The following MAMDC2 variants were observed in gnomAD, a reference collection of about 807,000 sequenced individuals.
MAMDC2 encodes MAM domain containing 2, also known as MAM domain-containing protein 2.
A neutral mutation model predicts 89.8 loss-of-function variants in MAMDC2; 57 were observed. The ratio of observed to expected loss-of-function variants is 0.63; its 90% CI spans 0.51 to 0.79. The LOEUF (loss-of-function observed/expected upper bound fraction) is 0.79. Ranked by LOEUF, MAMDC2 falls within the 30% of genes least tolerant of loss-of-function variation. The probability of loss-of-function intolerance (pLI) is 0.00; values close to 1 mark genes in which losing one functional copy is unlikely to be tolerated. For missense variants in MAMDC2, 800 were observed against 820.6 expected (o/e 0.97, Z 0.31); for synonymous variants, 313 against 293.4 (o/e 1.07, Z -0.68).
chr9:70,198,885 C>T (rs561622293), intron 11 of MAMDC2, among the ~76,000 whole-genome samples: 2 of 152,102 alleles, frequency 1.3e-5, no homozygotes, highest in Non-Finnish European at 2.9e-5. Context: ...AATATCACAA[C>T]TCTGTTAGTT....
intron 9 of MAMDC2, among the ~76,000 whole-genome samples, chr9:70,151,405 C>T (rs2031574651): frequency 6.6e-6 from 1 of 152,226 alleles, no homozygotes; most frequent in Non-Finnish European, 1.5e-5. Context: ...CCTTGTCGGT[C>T]TTGTTCATCT....
chr9:70,167,619 C>T (rs939888795), intron 9 of MAMDC2, among the ~76,000 whole-genome samples: 1 of 152,326 alleles, frequency 6.6e-6, no homozygotes, highest in East Asian at 1.9e-4. Flanking sequence ...GCTTTGTAAT[C>T]TGCAAGTACA....
rs773508287 is a variant in MAMDC2, at chr9:70,225,068, T to C, written c.1912-682T>C. 5.3e-5 allele frequency among the ~76,000 whole-genome samples: 8 copies of C among 152,342 alleles called. No homozygotes were observed. In the South Asian group the frequency reaches 1.2e-3, roughly 24 times the overall value. ...TCATTACCCATGGGCCTCCCTGGACTATTCAGTAATTTGTTAACCATTGTT... is the reference window on the plus strand; with the variant it reads ...TCATTACCCATGGGCCTCCCTGGACCATTCAGTAATTTGTTAACCATTGTT... On this transcript the variant is annotated intron_variant, in intron 12 of 13. Transcript: ENST00000377182.
At chr9:70,104,554 A>G (rs1828282733) in intron 2 of MAMDC2, among the ~76,000 whole-genome samples, 1 of 152,252 alleles carries the variant, frequency 6.6e-6, no homozygotes, top group South Asian at 2.1e-4. Flanking sequence ...ATGTCCATCA[A>G]CTAATGAATG....
At position 70,108,230 on chromosome 9, in the gene MAMDC2, T is replaced by C. The variant is rs761426395; in HGVS notation, c.168T>C (p.Asp56=). The part of the protein sequence containing the change: ...LNEEGHYIYV[D]TSFGKQGEKA... ...TTCCAGGCCATTACATTTATGTGGA[T>C]ACCTCCTTTGGCAAGCAGGGGGAGA... The change falls in exon 3 of 14, where the codon GAT becomes GAC. Residue 56 remains aspartate (D), a synonymous_variant. Coordinates refer to ENST00000377182, the MANE Select transcript of MAMDC2 (RefSeq NM_153267.5). The C allele has an allele frequency of 6.2e-7, 1 of 1,605,636 alleles. No individual in the cohort carries two copies. The highest frequency in any genetic ancestry group is 8.5e-7 in the Non-Finnish European group (1 of 1,176,456).
At chr9:70,163,573 A>G (rs1389705711) in intron 9 of MAMDC2, among the ~76,000 whole-genome samples, 1 of 152,096 alleles carries the variant, frequency 6.6e-6, no homozygotes, top group Non-Finnish European at 1.5e-5. Flanking sequence ...TGTGTAGAGG[A>G]AGAGAAAACT....
At chr9:70,169,093 A>G (rs879842648) in intron 10 of MAMDC2, among the ~76,000 whole-genome samples, 2 of 152,212 alleles carry the variant, frequency 1.3e-5, no homozygotes, top group Non-Finnish European at 2.9e-5. Flanking sequence ...TTAAAAACAA[A>G]TATCTTCTAC....
At chr9:70,056,644 G>C (rs1044824643) in intron 2 of MAMDC2, among the ~76,000 whole-genome samples, 3 of 152,116 alleles carry the variant, frequency 2.0e-5, no homozygotes, top group Admixed American at 1.3e-4. Context: ...TTGTGGACTA[G>C]GACTTATAGT....
intron 11 of MAMDC2, chr9:70,217,196 C>A (rs553245465): frequency 1.4e-6 from 1 of 733,422 alleles, no homozygotes; most frequent in Non-Finnish European, 2.5e-6. Flanking sequence ...GCCGTCGCCA[C>A]GAAGGTCGAG....
At chr9:70,045,004 C>T (rs1044546200) in intron 2 of MAMDC2, among the ~76,000 whole-genome samples, 1 of 151,040 alleles carries the variant, frequency 6.6e-6, no homozygotes, top group African/African-American at 2.5e-5. Flanking sequence ...CGCTGTGGGC[C>T]TCTGCAGGCA....
chr9:70,125,467 C>T (rs562541593), intron 5 of MAMDC2, among the ~76,000 whole-genome samples: 1 of 152,310 alleles, frequency 6.6e-6, no homozygotes, highest in East Asian at 1.9e-4. Flanking sequence ...TCCATTCTGC[C>T]ACATGGTTTC....
intron 4 of MAMDC2, 54 bp from the exon 5 acceptor site, chr9:70,112,941 G>A (rs1305107887): frequency 2.4e-5 from 38 of 1,606,758 alleles, no homozygotes; most frequent in South Asian, 8.8e-5. Context: ...AGTAGGATGC[G>A]TGTACCCAGG....
chr9:70,159,453 T>C (rs1319116169), intron 9 of MAMDC2, among the ~76,000 whole-genome samples: 1 of 152,180 alleles, frequency 6.6e-6, no homozygotes, highest in African/African-American at 2.4e-5. Context: ...GATCTACACT[T>C]TGGCTTGGGA....
At chr9:70,220,707 C>A (rs1450790363) in intron 12 of MAMDC2, among the ~76,000 whole-genome samples, 3 of 152,072 alleles carry the variant, frequency 2.0e-5, no homozygotes, top group African/African-American at 7.2e-5. Context: ...AAGTTTGTAT[C>A]CCTAAGCCAC....
At chr9:70,098,629 A>C (rs2997691) in intron 2 of MAMDC2, among the ~76,000 whole-genome samples, 9,746 of 152,248 alleles carry the variant, frequency 0.064, 993 homozygotes, top group African/African-American at 0.21. Context: ...TCAGGATCCC[A>C]CTATAAGGAA....
chr9:70,185,773 T>C (rs1271849968), intron 11 of MAMDC2, among the ~76,000 whole-genome samples: 5 of 152,192 alleles, frequency 3.3e-5, no homozygotes. Flanking sequence ...ACTGCTATGC[T>C]GGCATTGAGA....
At chr9:70,179,532 T>A (rs2309635) in intron 11 of MAMDC2, among the ~76,000 whole-genome samples, 110,837 of 141,772 alleles carry the variant, frequency 0.78, 42,377 homozygotes, top group Admixed American at 0.83. Context: ...TCAAAAAAAA[T>A]AAATAAATAA....
In MAMDC2 at chr9:70,130,510, C is replaced by T. The variant is rs2030757889; in HGVS notation, c.901-1009C>T. On this transcript the variant is annotated intron_variant, in intron 6 of 13. Transcript: ENST00000377182. ...CCAGCACAGGTGAAGGCTGTGCTGA[C>T]ATCTGATTCCCCCATGGTCACAGGC... 2.6e-5 allele frequency among the ~76,000 whole-genome samples: 4 copies of T among 152,198 alleles called. No homozygotes were observed. The South Asian group carries it at 6.2e-4, about 24-fold the overall frequency.
chr9:70,209,940 C>T (rs770203328), intron 11 of MAMDC2, among the ~76,000 whole-genome samples: 26 of 152,254 alleles, frequency 1.7e-4, no homozygotes, highest in Admixed American at 3.3e-4. Flanking sequence ...TGTAGTTGAG[C>T]GGTTTTGAGT....
Sources: gnomAD v4.1 joint callset for allele counts (sites outside exome capture counted in the v4.1 genomes callset) on GRCh38, gnomAD v4.1.1 for gene constraint, MANE v1.5 for transcripts, NCBI Gene and HGNC (gene_info 2026-07-23, HGNC 2026-07-21) for gene names.